PITPNC1: variants seen among roughly 807,000 people sequenced by gnomAD.
PITPNC1 encodes the protein phosphatidylinositol transfer protein cytoplasmic 1, also known as cytoplasmic phosphatidylinositol transfer protein 1.
Under a neutral mutation model 44.7 loss-of-function variants are expected in PITPNC1, and 18 were observed. That is an observed-to-expected ratio of 0.40 (90% CI 0.28 to 0.60). The LOEUF is 0.60. Among genes scored for constraint, PITPNC1 ranks in the 20% least tolerant of loss-of-function variants. The probability of loss-of-function intolerance (pLI) is 0.39; values close to 1 mark genes in which losing one functional copy is unlikely to be tolerated. For synonymous variants in PITPNC1, 141 were observed against 149.6 expected (o/e 0.94, Z 0.42); for missense variants, 290 against 418.4 (o/e 0.69, Z 2.68).
chr17:67,684,523 T>C (rs1254223845), intron 8 of PITPNC1, among the ~76,000 whole-genome samples: 1 of 152,120 alleles, frequency 6.6e-6, no homozygotes, highest in Non-Finnish European at 1.5e-5. Flanking sequence ...GAAATTAAAA[T>C]TACCTGTAAT....
At chr17:67,575,011 A>G (rs1029150517) in intron 4 of PITPNC1, among the ~76,000 whole-genome samples, 1 of 152,026 alleles carries the variant, frequency 6.6e-6, no homozygotes, top group Non-Finnish European at 1.5e-5. Context: ...TTTAATACGC[A>G]AATGCTAAAA....
chr17:67,418,829 G>A (rs927176927), intron 1 of PITPNC1, among the ~76,000 whole-genome samples: 1 of 152,132 alleles, frequency 6.6e-6, no homozygotes, highest in Non-Finnish European at 1.5e-5. Flanking sequence ...CCAAACTGCC[G>A]GGATTACAGG....
chr17:67,546,239 A>G (rs2040681379), intron 2 of PITPNC1, among the ~76,000 whole-genome samples: 1 of 151,738 alleles, frequency 6.6e-6, no homozygotes, highest in Non-Finnish European at 1.5e-5. Context: ...ATATACTTTT[A>G]TATAGTCTGT....
At chr17:67,604,676 G>A (rs1261100240) in intron 5 of PITPNC1, among the ~76,000 whole-genome samples, 1 of 152,096 alleles carries the variant, frequency 6.6e-6, no homozygotes, top group African/African-American at 2.4e-5. Context: ...CCAGCTACTT[G>A]GGAAGCTGAG....
At chr17:67,440,266 C>T (rs1175425216) in intron 1 of PITPNC1, among the ~76,000 whole-genome samples, 10 of 152,144 alleles carry the variant, frequency 6.6e-5, no homozygotes, top group Admixed American at 5.9e-4. Context: ...GCTCTAACCC[C>T]GCACTGGCAA....
At chr17:67,396,785 G>T (rs1333065947) in intron 1 of PITPNC1, among the ~76,000 whole-genome samples, 1 of 151,916 alleles carries the variant, frequency 6.6e-6, no homozygotes, top group Non-Finnish European at 1.5e-5. Flanking sequence ...CTCCTGAATA[G>T]CTGGGACCAC....
intron 2 of PITPNC1, among the ~76,000 whole-genome samples, chr17:67,547,533 A>G (rs2040701011): frequency 6.6e-6 from 1 of 152,074 alleles, no homozygotes; most frequent in African/African-American, 2.4e-5. Flanking sequence ...AAAAAGAACA[A>G]AATAAAATTT....
chr17:67,623,506 T>G (rs1264330811), intron 5 of PITPNC1, among the ~76,000 whole-genome samples: 1 of 152,164 alleles, frequency 6.6e-6, no homozygotes, highest in Non-Finnish European at 1.5e-5. Flanking sequence ...CACTGAGCCT[T>G]CCCGAGCAGC....
intron 6 of PITPNC1, among the ~76,000 whole-genome samples, chr17:67,635,699 C>A (rs1021278414): frequency 1.3e-5 from 2 of 152,086 alleles, no homozygotes. Flanking sequence ...AATCAGGAGT[C>A]TAAAAGAATT....
intron 1 of PITPNC1, among the ~76,000 whole-genome samples, chr17:67,505,315 G>A (rs142117926): frequency 6.6e-6 from 1 of 152,232 alleles, no homozygotes; most frequent in African/African-American, 2.4e-5. Context: ...GGGCACTAAG[G>A]TCTCCAACTA....
At chr17:67,655,340 C>T (rs1381042344) in intron 6 of PITPNC1, among the ~76,000 whole-genome samples, 4 of 151,786 alleles carry the variant, frequency 2.6e-5, no homozygotes, top group South Asian at 4.1e-4. Flanking sequence ...GAGCGGATCA[C>T]GAGGTCAGGA....
chr17:67,450,978 G>A (rs909241447), intron 1 of PITPNC1, among the ~76,000 whole-genome samples: 9 of 152,018 alleles, frequency 5.9e-5, no homozygotes, highest in African/African-American at 9.7e-5. Context: ...TGTATCTGGC[G>A]TCTTTTTCTT....
At chr17:67,382,338 G>GGT (rs112100189) in intron 1 of PITPNC1, among the ~76,000 whole-genome samples, 12,001 of 146,100 alleles carry the variant, frequency 0.082, 583 homozygotes, top group African/African-American at 0.15. Flanking sequence ...GGGGTTTTTT[G>GGT]GTGTGTGTGT....
Position 67,399,008 on chromosome 17 carries a change from CTTTTTT to C in PITPNC1, c.48+20825_48+20830del, listed in dbSNP as rs34059580. ...TCTCGTGTAGTTGTAAGAGGATCAG[CTTTTTT>C]TTTTTTTTTTTTTTTTTTGAGACGC... On this transcript the variant is annotated intron_variant, in intron 1 of 8. Coordinates refer to ENST00000581322, the MANE Select transcript of PITPNC1 (RefSeq NM_012417.4). Among the ~76,000 whole-genome samples the C allele has an allele frequency of 4.5e-5, 4 of 88,504 alleles. No individual in the cohort carries two copies. In the South Asian group the frequency reaches 1.6e-3, roughly 35 times the overall value. 58.1% of individuals were successfully genotyped at this position (88,504 alleles called of 152,430 possible).
At chr17:67,462,336 A>G (rs1193715564) in intron 1 of PITPNC1, among the ~76,000 whole-genome samples, 1 of 147,316 alleles carries the variant, frequency 6.8e-6, no homozygotes, top group Non-Finnish European at 1.5e-5. Context: ...GGTTCAAGCA[A>G]TTCTCCTGCT....
chr17:67,409,777 A>G (rs184729758), intron 1 of PITPNC1, among the ~76,000 whole-genome samples: 31 of 152,140 alleles, frequency 2.0e-4, no homozygotes, highest in African/African-American at 7.2e-4. Context: ...ACCTCAAATG[A>G]TCCACTCACC....
chr17:67,652,845 TTGTG>T (rs2042224137), intron 6 of PITPNC1, among the ~76,000 whole-genome samples: 1 of 150,142 alleles, frequency 6.7e-6, no homozygotes, highest in Non-Finnish European at 1.5e-5. Context: ...TGTTATGGGT[TTGTG>T]TCCCCCCAGA....
intron 2 of PITPNC1, among the ~76,000 whole-genome samples, chr17:67,544,214 A>G (rs2144149365): frequency 6.6e-6 from 1 of 152,346 alleles, no homozygotes; most frequent in South Asian, 2.1e-4. Flanking sequence ...CACGTCTTCA[A>G]AAATCCTGGT....
At chr17:67,575,773 CTTTCTTTCT>C (rs1189741363) in intron 4 of PITPNC1, among the ~76,000 whole-genome samples, 23 of 111,406 alleles carry the variant, frequency 2.1e-4, no homozygotes, top group African/African-American at 7.1e-4. Flanking sequence ...GCCTTTCTTT[CTTTCTTTCT>C]TTTCTTTCTT....
Sources: allele counts gnomAD v4.1 joint callset (sites outside exome capture counted in the v4.1 genomes callset), GRCh38; gene constraint gnomAD v4.1.1; transcripts MANE v1.5; gene names NCBI Gene and HGNC (gene_info 2026-07-23, HGNC 2026-07-21).